Variants in DCHS2 observed in about 807,000 individuals in gnomAD.
The protein encoded by DCHS2 is protocadherin-23.
In DCHS2, 142 loss-of-function variants were observed where a neutral mutation model predicts 182.4. That is an observed-to-expected ratio of 0.78 (90% confidence interval 0.68 to 0.89). DCHS2 has a LOEUF of 0.89. Among genes scored for constraint, DCHS2 ranks in the 40% least tolerant of loss-of-function variants. The pLI, the probability that DCHS2 is intolerant of heterozygous loss-of-function variation, is 0.00. For synonymous variants in DCHS2, 1,740 were observed against 1,663.3 expected, an observed-to-expected ratio of 1.05 and a Z score of -1.12; for missense variants, 4,319 against 4,198.6, an observed-to-expected ratio of 1.03 and a Z score of -0.79.
chr4:154,259,500 CCA>C (rs147630053), intron 15 of DCHS2, 43 bp downstream of exon 15: 89,713 of 958,100 alleles, frequency 0.094, 1,157 homozygotes, highest in Admixed American at 0.28. Context: ...ACAGACACAC[CCA>C]CACACACACA....
In DCHS2 at chr4:154,240,552, A is replaced by G; in HGVS notation, c.7344T>C (p.Ser2448=). The change falls in exon 18 of 20, where the codon TCT becomes TCC. Residue 2448 remains serine (S), a synonymous_variant. Coordinates refer to ENST00000357232, the MANE Select transcript of DCHS2 (RefSeq NM_001358235.2). The part of the protein sequence containing the change: ...LDVNDNPPVF[S]QDFYQVTVPE... ...AGCCCTTTACCTGATAGAAATCTTGAGAAAACACTGGTGGATTATCATTGA... is the reference window on the plus strand; with the variant it reads ...AGCCCTTTACCTGATAGAAATCTTGGGAAAACACTGGTGGATTATCATTGA... 3 of 1,613,424 alleles carry G rather than the reference A, an allele frequency of 1.9e-6. No individual in the cohort carries two copies. The highest frequency in any genetic ancestry group is 2.5e-6 in the Non-Finnish European group (3 of 1,179,562).
chr4:154,294,850 C>T (rs1292676389), intron 13 of DCHS2, among the ~76,000 whole-genome samples: 2 of 152,080 alleles, frequency 1.3e-5, no homozygotes, highest in African/African-American at 4.8e-5. Context: ...GTAAGCTCTG[C>T]CTGAGGAAAG....
intron 16 of DCHS2, among the ~76,000 whole-genome samples, chr4:154,254,560 G>T (rs1342952723): frequency 6.6e-6 from 1 of 152,154 alleles, no homozygotes; most frequent in Non-Finnish European, 1.5e-5. Context: ...TTGCTGGCTG[G>T]GCGCAGTGGC....
rs1216043157 is a variant in DCHS2, at chr4:154,491,139, C to T, written c.217G>A (p.Val73Ile). 6.4e-7 allele frequency: 1 copy of T among 1,551,278 alleles called. No homozygotes were observed. The highest frequency in any genetic ancestry group is 1.4e-5 in the African/African-American group (1 of 73,052). ...SAQLFNLTLS[V>I]DEGLPPDTLV... ...GTGTCCGGGGGAAGCCCCTCATCTA[C>T]GGAAAGGGTGAGGTTGAACAACTGG... The change falls in exon 1 of 20, where the codon GTA (valine) becomes ATA (isoleucine). Residue 73 changes from valine to isoleucine, a missense_variant. Val to Ile is a conservative substitution (Grantham distance 29). Coordinates refer to ENST00000357232, the MANE Select transcript of DCHS2 (RefSeq NM_001358235.2).
At chr4:154,347,040 T>C (rs1729393845) in intron 3 of DCHS2, among the ~76,000 whole-genome samples, 1 of 151,630 alleles carries the variant, frequency 6.6e-6, no homozygotes, top group Non-Finnish European at 1.5e-5. Flanking sequence ...TCAGAGGATA[T>C]AATCATTATT....
intron 3 of DCHS2, among the ~76,000 whole-genome samples, chr4:154,349,072 G>A (rs1729486373): frequency 6.6e-6 from 1 of 151,924 alleles, no homozygotes; most frequent in South Asian, 2.1e-4. Context: ...AATAAATATT[G>A]CCAAAAGACA....
chr4:154,358,928 T>C (rs1036786727), intron 3 of DCHS2, among the ~76,000 whole-genome samples: 3 of 151,530 alleles, frequency 2.0e-5, no homozygotes, highest in African/African-American at 7.3e-5. Flanking sequence ...GTAATATATG[T>C]GTGTATCATA....
At chr4:154,240,201 A>G (rs1261490678) in intron 18 of DCHS2, among the ~76,000 whole-genome samples, 2 of 151,962 alleles carry the variant, frequency 1.3e-5, no homozygotes, top group Admixed American at 1.3e-4. Context: ...GAAAGAAAGA[A>G]TTTTCCCAAA....
chr4:154,377,752 T>C (rs79756227), intron 1 of DCHS2, among the ~76,000 whole-genome samples: 2,038 of 152,278 alleles, frequency 0.013, 41 homozygotes, highest in African/African-American at 0.047. Context: ...TTTCATTCAC[T>C]ATACGTAACT....
chr4:154,276,398 T>C (rs113933467), intron 13 of DCHS2, among the ~76,000 whole-genome samples: 3 of 152,314 alleles, frequency 2.0e-5, no homozygotes, highest in African/African-American at 7.2e-5. Flanking sequence ...TTTAAAAGCA[T>C]ACTTAGATAA....
At chr4:154,330,898 G>C (rs1736492121) in intron 5 of DCHS2, among the ~76,000 whole-genome samples, 1 of 152,060 alleles carries the variant, frequency 6.6e-6, no homozygotes, top group Admixed American at 6.5e-5. Context: ...ACTTCTGAAT[G>C]GCAAACAGAT....
At chr4:154,350,637 A>G (rs1729564942) in intron 3 of DCHS2, among the ~76,000 whole-genome samples, 2 of 152,168 alleles carry the variant, frequency 1.3e-5, no homozygotes, top group Non-Finnish European at 2.9e-5. Flanking sequence ...GCCAACCTAC[A>G]TATCCATAAC....
At position 154,489,482 on chromosome 4, in the gene DCHS2, A is replaced by T. The variant is rs1355262648; in HGVS notation, c.1874T>A (p.Val625Asp). 7 of 1,551,550 alleles carry T rather than the reference A, an allele frequency of 4.5e-6. No homozygotes were observed. Among genetic ancestry groups the T allele is most frequent in the Non-Finnish European group, 5.2e-6 (6 of 1,146,950 alleles). Residue 625 changes from valine (V) to aspartate (D), a missense_variant, in exon 1 of 20, where the codon GTC becomes GAC. Physicochemically the swap from Val to Asp is radical, Grantham distance 152. Transcript: ENST00000357232. ...CACTTTCAGCTCCACCGCCTCCTGG[A>T]CCTCTCGGTCTAGAGTCCGGATAGT... ...ISTIRTLDREVQEAVELKVVA... is the reference protein window; with the variant it reads ...ISTIRTLDREDQEAVELKVVA...
chr4:154,240,968 T>G, intron 17 of DCHS2, 145 bp from the exon 18 acceptor site: 3 of 1,309,942 alleles, frequency 2.3e-6, no homozygotes, highest in Non-Finnish European at 2.0e-6. Flanking sequence ...AAGCTCATTA[T>G]GCACTGAACA....
chr4:154,406,154 G>C (rs1430513817), intron 1 of DCHS2, among the ~76,000 whole-genome samples: 1 of 152,192 alleles, frequency 6.6e-6, no homozygotes, highest in Non-Finnish European at 1.5e-5. Flanking sequence ...CTCAGAGTCT[G>C]GGCCAGCATA....
chr4:154,259,500 C>CCACACACACA (rs147630053), intron 15 of DCHS2, 45 bp downstream of exon 15: 6 of 1,410,950 alleles, frequency 4.3e-6, no homozygotes, highest in Non-Finnish European at 5.8e-6. Flanking sequence ...ACAGACACAC[C>CCACACACACA]CACACACACA....
chr4:154,355,181 C>T (rs868425404), intron 3 of DCHS2, among the ~76,000 whole-genome samples: 9 of 152,040 alleles, frequency 5.9e-5, no homozygotes, highest in African/African-American at 2.2e-4. Context: ...GCACAAGATA[C>T]CAGTCACAAA....
At chr4:154,446,536 G>C (rs919992629) in intron 1 of DCHS2, among the ~76,000 whole-genome samples, 4 of 152,240 alleles carry the variant, frequency 2.6e-5, no homozygotes, top group Admixed American at 6.5e-5. Flanking sequence ...CAGGAGGTGG[G>C]TCCTATTATC....
intron 17 of DCHS2, among the ~76,000 whole-genome samples, chr4:154,241,962 C>T (rs139429922): frequency 1.3e-5 from 2 of 151,974 alleles, no homozygotes; most frequent in African/African-American, 4.8e-5. Context: ...GAATTAATGT[C>T]GTATTACGAG....
Sources: gnomAD v4.1 joint callset for allele counts (sites outside exome capture counted in the v4.1 genomes callset) on GRCh38, gnomAD v4.1.1 for gene constraint, MANE v1.5 for transcripts, NCBI Gene and HGNC (gene_info 2026-07-23, HGNC 2026-07-21) for gene names.